The following TSNAX variants were observed in gnomAD, a reference collection of about 807,000 sequenced individuals.
TSNAX encodes translin-associated protein X.
In TSNAX, 12 loss-of-function variants were observed where a neutral mutation model predicts 33.0. The ratio of observed to expected loss-of-function variants is 0.36; its 90% CI spans 0.23 to 0.59. The LOEUF (loss-of-function observed/expected upper bound fraction) is 0.59. TSNAX is among the 20% of genes least tolerant of loss of function. The pLI, the probability that TSNAX is intolerant of heterozygous loss-of-function variation, is 0.74. For missense variants in TSNAX, 267 were observed against 341.3 expected, an observed-to-expected ratio of 0.78 and a Z score of 1.72; for synonymous variants, 110 against 117.2, an observed-to-expected ratio of 0.94 and a Z score of 0.40.
intron 4 of TSNAX, among the ~76,000 whole-genome samples, chr1:231,559,780 T>A (rs1660926562): frequency 6.6e-6 from 1 of 151,666 alleles, no homozygotes; most frequent in South Asian, 2.1e-4. Flanking sequence ...AATTCAAGGG[T>A]TGTTTCTGTC....
At chr1:231,560,478 G>A (rs187940476) in intron 4 of TSNAX, among the ~76,000 whole-genome samples, 122 of 128,694 alleles carry the variant, frequency 9.5e-4, no homozygotes, top group African/African-American at 3.5e-3. Flanking sequence ...GCAATGGTGC[G>A]GTCTTGGCTC....
At chr1:231,557,581 C>G (rs900726451) in intron 4 of TSNAX, among the ~76,000 whole-genome samples, 48 of 152,072 alleles carry the variant, frequency 3.2e-4, no homozygotes, top group African/African-American at 1.2e-3. Flanking sequence ...GAGGAGGAGA[C>G]AGATGGAGCA....
At chr1:231,539,999 A>C (rs542407323) in intron 3 of TSNAX, among the ~76,000 whole-genome samples, 13 of 152,224 alleles carry the variant, frequency 8.5e-5, no homozygotes, top group African/African-American at 2.6e-4. Flanking sequence ...AGCCTGGCCA[A>C]CATGGCGAAA....
intron 4 of TSNAX, among the ~76,000 whole-genome samples, chr1:231,547,841 CTTTTTT>C (rs35520639): frequency 8.1e-6 from 1 of 123,912 alleles, no homozygotes. Context: ...CCATTGCTTT[CTTTTTT>C]TTTTTTTTTT....
chr1:231,562,191 T>A (rs1325055913), intron 5 of TSNAX, among the ~76,000 whole-genome samples: 2 of 148,446 alleles, frequency 1.3e-5, no homozygotes, highest in Non-Finnish European at 3.0e-5. Flanking sequence ...AAATTATTAA[T>A]TTAATTTACT....
intron 3 of TSNAX, 141 bp from the exon 4 acceptor site, chr1:231,542,340 C>G (rs985064586): frequency 2.6e-6 from 2 of 765,744 alleles, no homozygotes; most frequent in Non-Finnish European, 4.0e-6. Context: ...GTTCTCCATA[C>G]TATGAATAGT....
chr1:231,535,378 A>C (rs930642110), intron 2 of TSNAX: 1 of 152,066 alleles, frequency 6.6e-6, no homozygotes, highest in African/African-American at 2.4e-5. Flanking sequence ...GTAGTCTTTT[A>C]AACAATAATA....
At chr1:231,556,644 T>C (rs1022494245) in intron 4 of TSNAX, among the ~76,000 whole-genome samples, 4 of 152,202 alleles carry the variant, frequency 2.6e-5, no homozygotes, top group African/African-American at 7.2e-5. Context: ...CAGGAAAATA[T>C]GTGTGTATTG....
At chr1:231,530,381 A>G (rs1658602779) in intron 2 of TSNAX, among the ~76,000 whole-genome samples, 3 of 152,170 alleles carry the variant, frequency 2.0e-5, no homozygotes, top group Admixed American at 2.0e-4. Flanking sequence ...GTAATTGAAT[A>G]AAGAGCGTAC....
intron 4 of TSNAX, among the ~76,000 whole-genome samples, chr1:231,552,020 G>T (rs1004027857): frequency 6.6e-6 from 1 of 151,796 alleles, no homozygotes; most frequent in South Asian, 2.1e-4. Flanking sequence ...CCCATTCCAG[G>T]CGCGGTGGCT....
chr1:231,561,903 C>G (rs1661142001), intron 5 of TSNAX, among the ~76,000 whole-genome samples: 1 of 152,094 alleles, frequency 6.6e-6, no homozygotes, highest in Non-Finnish European at 1.5e-5. Context: ...AGTAGTTTGC[C>G]ATTATAAAGT....
intron 4 of TSNAX, among the ~76,000 whole-genome samples, chr1:231,552,683 A>G (rs895573738): frequency 2.0e-5 from 3 of 152,228 alleles, no homozygotes; most frequent in African/African-American, 7.2e-5. Context: ...ACTGTCTAAT[A>G]CCAGAACATT....
At chr1:231,549,135 A>G (rs1660136362) in intron 4 of TSNAX, among the ~76,000 whole-genome samples, 1 of 152,098 alleles carries the variant, frequency 6.6e-6, no homozygotes, top group African/African-American at 2.4e-5. Flanking sequence ...GGGAAATGGT[A>G]TGGAATTGAT....
chr1:231,539,187 C>T (rs1206612562), intron 3 of TSNAX, among the ~76,000 whole-genome samples: 1 of 151,886 alleles, frequency 6.6e-6, no homozygotes, highest in Non-Finnish European at 1.5e-5. Flanking sequence ...CAATACTGTT[C>T]TTATTAATTA....
rs111926694 is a variant in TSNAX, at chr1:231,564,913, C to T, written c.*8C>T. ...GAAGAGGGCATTTCTTAGAATCTAACGTTACTCAGTTACTAATTCTTTTGA... is the reference window on the plus strand; with the variant it reads ...GAAGAGGGCATTTCTTAGAATCTAATGTTACTCAGTTACTAATTCTTTTGA... On this transcript the variant is annotated 3_prime_UTR_variant, in exon 6 of 6. Transcript: ENST00000366639. 475 of 1,607,908 alleles carry T rather than the reference C, an allele frequency of 3.0e-4. 4 individuals are homozygous for T. In the African/African-American group the frequency reaches 5.3e-3, roughly 18 times the overall value.
rs1477139088 is a variant in TSNAX at position 231,533,088 on chromosome 1, A to G, written c.121+3729A>G. 3.6e-5 allele frequency among the ~76,000 whole-genome samples: 5 copies of G among 137,994 alleles called. No individual in the cohort carries two copies. In the South Asian group the frequency reaches 1.1e-3, roughly 31 times the overall value. The allele number at this position is 137,994 out of a possible 152,430, so 90.5% of individuals were successfully genotyped here. ...GAAGTCTTTTTTTTTTTTTTTTGAG[A>G]TGGACTCTCACTCTGTCACCCAGAC... On this transcript the variant is annotated intron_variant, in intron 2 of 5. Coordinates refer to ENST00000366639, the MANE Select transcript of TSNAX (RefSeq NM_005999.3).
At chr1:231,560,223 C>T (rs1462888513) in intron 4 of TSNAX, among the ~76,000 whole-genome samples, 1 of 151,882 alleles carries the variant, frequency 6.6e-6, no homozygotes, top group Non-Finnish European at 1.5e-5. Context: ...TCGTGATCCA[C>T]CCGCCTGGGC....
chr1:231,529,040 T>G (rs1004511071), intron 1 of TSNAX, among the ~76,000 whole-genome samples: 1 of 152,202 alleles, frequency 6.6e-6, no homozygotes, highest in African/African-American at 2.4e-5. Context: ...AGTTCAGTAA[T>G]TGCTGTAATG....
chr1:231,529,137 T>G, intron 1 of TSNAX, 118 bp from the exon 2 acceptor site: 1 of 1,030,206 alleles, frequency 9.7e-7, no homozygotes, highest in South Asian at 1.6e-5. Flanking sequence ...GGAGAAAGCC[T>G]CTAAGGCGAG....
Sources: allele counts gnomAD v4.1 joint callset (sites outside exome capture counted in the v4.1 genomes callset), GRCh38; gene constraint gnomAD v4.1.1; transcripts MANE v1.5; gene names NCBI Gene and HGNC (gene_info 2026-07-23, HGNC 2026-07-21).